Variants in ACOXL observed in about 807,000 individuals in gnomAD.
ACOXL encodes the protein acyl-coenzyme A oxidase-like protein.
In ACOXL, 70 loss-of-function variants were observed where a neutral mutation model predicts 71.9. The observed-to-expected ratio is 0.97, with a 90% confidence interval of 0.80 to 1.19. The LOEUF (loss-of-function observed/expected upper bound fraction) is 1.19, where lower values mean the gene tolerates loss of function less well. ACOXL is among the 50% of genes most tolerant of loss of function. The probability of loss-of-function intolerance (pLI) is 0.00; values close to 1 mark genes in which losing one functional copy is unlikely to be tolerated. For missense variants in ACOXL, 703 were observed against 736.3 expected (o/e 0.95, Z 0.52); for synonymous variants, 253 against 281.6 (o/e 0.90, Z 1.02).
chr2:110,908,650 C>T (rs1333133655), intron 10 of ACOXL, 139 bp from the exon 11 acceptor site: 13 of 684,320 alleles, frequency 1.9e-5, no homozygotes, highest in African/African-American at 3.6e-5. Flanking sequence ...CTTGCCCTAA[C>T]CACATTTTAG....
At position 110,987,998 on chromosome 2, in the gene ACOXL, A is replaced by G. The variant is rs552911108; in HGVS notation, c.1169+781A>G. On this transcript the variant is annotated intron_variant, in intron 13 of 17. Coordinates refer to ENST00000439055, the MANE Select transcript of ACOXL (RefSeq NM_001142807.4). ...AATAAGAAATACACTTTAAATCACC[A>G]TGGACACCCATATATCCATAGGACC... 2.6e-5 allele frequency among the ~76,000 whole-genome samples: 4 copies of G among 152,228 alleles called. No individual in the cohort carries two copies. The East Asian group carries it at 7.7e-4, about 29-fold the overall frequency.
rs1214367577 is a variant in ACOXL at position 110,812,248 on chromosome 2, G to GT, written c.753+6859dup. Among the ~76,000 whole-genome samples the GT allele has an allele frequency of 5.3e-5, 8 of 152,262 alleles. No individual in the cohort carries two copies. The East Asian group carries it at 9.6e-4, about 18-fold the overall frequency. On this transcript the variant is annotated intron_variant, in intron 9 of 17. Coordinates refer to ENST00000439055, the MANE Select transcript of ACOXL (RefSeq NM_001142807.4). Reference sequence around the variant, plus strand: ...GATGGGTATAAAATGGTTAAATAATGTTTTTTGGTTTTCTATAGCAGTTGT... The same window carrying GT: ...GATGGGTATAAAATGGTTAAATAATGTTTTTTTGGTTTTCTATAGCAGTTGT...
intron 9 of ACOXL, among the ~76,000 whole-genome samples, chr2:110,817,438 G>A (rs933225568): frequency 1.3e-5 from 2 of 152,218 alleles, no homozygotes; most frequent in Non-Finnish European, 2.9e-5. Context: ...CCCTTCTTGC[G>A]AAAGACCCTT....
At chr2:110,997,745 TATG>T (rs2063461979) in intron 14 of ACOXL, among the ~76,000 whole-genome samples, 4 of 152,210 alleles carry the variant, frequency 2.6e-5, no homozygotes, top group Non-Finnish European at 5.9e-5. Context: ...GCCAATACTA[TATG>T]TTTTTAAAAA....
chr2:110,854,560 T>C lies in ACOXL; in HGVS notation c.788+13155T>C, dbSNP rs146441451. Among the ~76,000 whole-genome samples the C allele has an allele frequency of 1.7e-3, 258 of 152,282 alleles. 1 individual carries two copies. Among genetic ancestry groups the C allele is most frequent in the African/African-American group, 5.9e-3 (244 of 41,536 alleles). ...CACCAGCAGGGGGATAAAGTGCTGT[T>C]TGGAGAGTGTCAGGGCTGGAAGGGC... On this transcript the variant is annotated intron_variant, in intron 10 of 17. Coordinates refer to ENST00000439055, the MANE Select transcript of ACOXL (RefSeq NM_001142807.4).
intron 12 of ACOXL, among the ~76,000 whole-genome samples, chr2:110,964,789 C>T (rs1490132216): frequency 6.6e-6 from 1 of 152,198 alleles, no homozygotes; most frequent in Non-Finnish European, 1.5e-5. Flanking sequence ...GGGTGTCCAT[C>T]ACCTCAAGTA....
At chr2:111,028,011 C>A (rs1210499912) in intron 14 of ACOXL, among the ~76,000 whole-genome samples, 1 of 151,916 alleles carries the variant, frequency 6.6e-6, no homozygotes, top group Non-Finnish European at 1.5e-5. Context: ...CACAGCAAGA[C>A]CCTATCTCTA....
chr2:110,787,566 A>G (rs1684147021), intron 3 of ACOXL, among the ~76,000 whole-genome samples: 1 of 151,920 alleles, frequency 6.6e-6, no homozygotes, highest in African/African-American at 2.4e-5. Context: ...AAAGAAAAAA[A>G]AGAAATACTT....
At chr2:110,784,966 T>C (rs953089574) in intron 3 of ACOXL, 151 bp downstream of exon 3, 6 of 527,082 alleles carry the variant, frequency 1.1e-5, no homozygotes, top group African/African-American at 9.9e-5. Context: ...CTGACTTCCC[T>C]TTTAACTATC....
At chr2:110,951,576 G>T (rs970870355) in intron 12 of ACOXL, among the ~76,000 whole-genome samples, 1 of 152,168 alleles carries the variant, frequency 6.6e-6, no homozygotes, top group East Asian at 1.9e-4. Flanking sequence ...ATATTATTCG[G>T]TGTGGGACTT....
intron 10 of ACOXL, among the ~76,000 whole-genome samples, chr2:110,850,306 A>G (rs1559343247): frequency 1.3e-5 from 2 of 152,368 alleles, no homozygotes; most frequent in South Asian, 4.1e-4. Context: ...AAACACTGCA[A>G]AGAAATAAAA....
intron 12 of ACOXL, among the ~76,000 whole-genome samples, chr2:110,960,959 T>C (rs2149446785): frequency 6.6e-6 from 1 of 152,350 alleles, no homozygotes; most frequent in Non-Finnish European, 1.5e-5. Flanking sequence ...GCTGGGACTT[T>C]CTAAGCCTGA....
intron 17 of ACOXL, among the ~76,000 whole-genome samples, 199 bp downstream of exon 17, chr2:111,093,165 T>A (rs1398437148): frequency 1.3e-5 from 2 of 151,510 alleles, no homozygotes; most frequent in Admixed American, 1.3e-4. Context: ...TGACTCACTG[T>A]ACATGAGTTT....
At position 111,117,934 on chromosome 2, in the gene ACOXL, A is replaced by G; in HGVS notation, c.*118A>G. 1 of 1,254,844 alleles carries G rather than the reference A, an allele frequency of 8.0e-7. No homozygotes were observed. Among genetic ancestry groups the G allele is most frequent in the Non-Finnish European group, 1.1e-6 (1 of 930,966 alleles). 77.7% of individuals were successfully genotyped at this position (1,254,844 alleles called of 1,614,324 possible). A position where few individuals can be genotyped will look rare whatever the true frequency, so the allele number is the denominator to read the frequency against. Reference sequence around the variant, plus strand: ...ACCCGCTGGGCCGCCACTCTCGGGGATTTTGGTGGCAAAGCGGAGGTCCCG... The same window carrying G: ...ACCCGCTGGGCCGCCACTCTCGGGGGTTTTGGTGGCAAAGCGGAGGTCCCG... On this transcript the variant is annotated 3_prime_UTR_variant, in exon 18 of 18. Coordinates refer to ENST00000439055, the MANE Select transcript of ACOXL (RefSeq NM_001142807.4).
At position 110,897,965 on chromosome 2, in the gene ACOXL, ACT is replaced by A. The variant is rs150449862; in HGVS notation, c.789-10821_789-10820del. ...GAATAATAAGAGAATACTAGGAACA[ACT>A]CTGTAAACATAAAATTGAAAACTTA... On this transcript the variant is annotated intron_variant, in intron 10 of 17. Coordinates refer to ENST00000439055, the MANE Select transcript of ACOXL (RefSeq NM_001142807.4). Among the ~76,000 whole-genome samples, 4,512 of 152,244 alleles carry A rather than the reference ACT, an allele frequency of 0.03. 265 individuals carry two copies. In the East Asian group the frequency reaches 0.3, roughly 10 times the overall value.
chr2:110,765,610 A>G (rs1478458218), intron 1 of ACOXL, among the ~76,000 whole-genome samples: 4 of 152,218 alleles, frequency 2.6e-5, no homozygotes, highest in Non-Finnish European at 5.9e-5. Flanking sequence ...GGGAAGTCCA[A>G]GATCAAGGTG....
chr2:110,837,446 G>A (rs982232870), intron 9 of ACOXL, among the ~76,000 whole-genome samples: 2 of 151,524 alleles, frequency 1.3e-5, no homozygotes, highest in Non-Finnish European at 2.9e-5. Flanking sequence ...AAATTATAAT[G>A]TGTTTAAAAA....
intron 16 of ACOXL, among the ~76,000 whole-genome samples, chr2:111,081,462 A>G (rs1200734562): frequency 6.6e-6 from 1 of 152,192 alleles, no homozygotes; most frequent in Non-Finnish European, 1.5e-5. Flanking sequence ...TACAACTTAC[A>G]AGGGATGTGA....
At chr2:110,963,190 A>G (rs2061772838) in intron 12 of ACOXL, among the ~76,000 whole-genome samples, 1 of 152,042 alleles carries the variant, frequency 6.6e-6, no homozygotes. Flanking sequence ...CTGCCTCCCG[A>G]GGAGTTTTGT....
Sources: gnomAD v4.1 joint callset for allele counts (sites outside exome capture counted in the v4.1 genomes callset) on GRCh38, gnomAD v4.1.1 for gene constraint, MANE v1.5 for transcripts, NCBI Gene and HGNC (gene_info 2026-07-23, HGNC 2026-07-21) for gene names.